IGF1: variants seen among roughly 807,000 people sequenced by gnomAD.
The protein encoded by IGF1 is insulin-like growth factor 1.
In IGF1, 4 loss-of-function variants were observed where a neutral mutation model predicts 13.8. The observed-to-expected ratio is 0.29, with a 90% CI of 0.14 to 0.66. IGF1 has a LOEUF of 0.66. IGF1 is among the 30% of genes least tolerant of loss of function. The probability of loss-of-function intolerance (pLI) is 0.78; values close to 1 mark genes in which losing one functional copy is unlikely to be tolerated. For missense variants in IGF1, 124 were observed against 188.5 expected, an observed-to-expected ratio of 0.66 and a Z score of 2.00; for synonymous variants, 76 against 72.6, an observed-to-expected ratio of 1.05 and a Z score of -0.23.
chr12:102,457,921 C>A (rs540893841), intron 2 of IGF1, among the ~76,000 whole-genome samples: 1 of 152,244 alleles, frequency 6.6e-6, no homozygotes, highest in East Asian at 1.9e-4. Context: ...TTTTTCGTTT[C>A]AGCTTCCCCT....
intron 3 of IGF1, among the ~76,000 whole-genome samples, chr12:102,407,094 CAAAAAAAAAAAAAAA>C (rs57468885): frequency 1.9e-4 from 19 of 100,984 alleles, no homozygotes; most frequent in African/African-American, 6.1e-4. Flanking sequence ...ACTCTGTCTC[CAAAAAAAAAAAAAAA>C]AAAAAAAAAA....
intron 1 of IGF1, chr12:102,478,711 T>G: frequency 8.0e-7 from 1 of 1,254,626 alleles, no homozygotes; most frequent in Non-Finnish European, 1.0e-6. Flanking sequence ...ATTGCACAGC[T>G]GGGATTTAAG....
chr12:102,405,851 G>A (rs999392407), intron 3 of IGF1, among the ~76,000 whole-genome samples: 3 of 152,162 alleles, frequency 2.0e-5, no homozygotes, highest in Non-Finnish European at 2.9e-5. Flanking sequence ...TTAAATTAGC[G>A]GGGGGCTATA....
chr12:102,405,213 A>G (rs1874046487), intron 3 of IGF1, among the ~76,000 whole-genome samples: 1 of 151,582 alleles, frequency 6.6e-6, no homozygotes, highest in African/African-American at 2.4e-5. Context: ...CAGCCTCCCA[A>G]GTAGCTGGGA....
chr12:102,465,393 A>C (rs1394526960), intron 2 of IGF1, among the ~76,000 whole-genome samples: 1 of 152,202 alleles, frequency 6.6e-6, no homozygotes, highest in Non-Finnish European at 1.5e-5. Context: ...TAAGCTATGT[A>C]AGGCTCAAGG....
At chr12:102,464,466 A>G (rs1051180022) in intron 2 of IGF1, among the ~76,000 whole-genome samples, 1 of 148,692 alleles carries the variant, frequency 6.7e-6, no homozygotes, top group South Asian at 2.2e-4. Flanking sequence ...TCCATACTAG[A>G]TGCTGTGAAA....
intron 2 of IGF1, among the ~76,000 whole-genome samples, chr12:102,434,721 C>T (rs1463264277): frequency 6.6e-6 from 1 of 151,946 alleles, no homozygotes; most frequent in Admixed American, 6.6e-5. Context: ...GGAATCGCCA[C>T]ACTGACTTCC....
chr12:102,434,211 CAT>C (rs1877007332), intron 2 of IGF1, among the ~76,000 whole-genome samples: 1 of 148,660 alleles, frequency 6.7e-6, no homozygotes, highest in Non-Finnish European at 1.5e-5. Context: ...AGGTTAGTTA[CAT>C]ATGTATACAT....
intron 1 of IGF1, chr12:102,478,656 A>G (rs753625130): frequency 7.2e-6 from 10 of 1,398,538 alleles, no homozygotes; most frequent in Non-Finnish European, 9.4e-6. Context: ...GTATGCTATT[A>G]TGAGCCTGGG....
intron 2 of IGF1, among the ~76,000 whole-genome samples, chr12:102,439,052 G>A (rs1406337666): frequency 6.6e-6 from 1 of 152,206 alleles, no homozygotes; most frequent in African/African-American, 2.4e-5. Flanking sequence ...CACTGCTGTA[G>A]CCACAACACT....
intron 2 of IGF1, among the ~76,000 whole-genome samples, chr12:102,441,460 T>C (rs1391777293): frequency 4.6e-5 from 7 of 152,178 alleles, no homozygotes; most frequent in African/African-American, 1.7e-4. Flanking sequence ...TCCTGCCCTT[T>C]AGATGAGCTG....
intron 1 of IGF1, 57 bp from the exon 2 acceptor site, chr12:102,475,856 G>A (rs1880993328): frequency 1.3e-6 from 2 of 1,544,898 alleles, no homozygotes; most frequent in South Asian, 1.2e-5. Context: ...CAAGGGGAGT[G>A]GGGTGGGACA....
chr12:102,427,210 TC>T (rs1422895886), intron 2 of IGF1, among the ~76,000 whole-genome samples: 1 of 152,178 alleles, frequency 6.6e-6, no homozygotes, highest in Non-Finnish European at 1.5e-5. Context: ...CATTTTTTTT[TC>T]TTTTTTTTAG....
At chr12:102,472,753 A>G (rs925173632) in intron 2 of IGF1, among the ~76,000 whole-genome samples, 4 of 152,178 alleles carry the variant, frequency 2.6e-5, no homozygotes, top group Non-Finnish European at 5.9e-5. Context: ...AGGAAACTGA[A>G]TGAAATTTGT....
chr12:102,460,052 CACATAAAAGGGTG>C (rs1436277333), intron 2 of IGF1, among the ~76,000 whole-genome samples: 1 of 152,194 alleles, frequency 6.6e-6, no homozygotes, highest in African/African-American at 2.4e-5. Flanking sequence ...GCACACACTT[CACATAAAAGGGTG>C]ACCAAAAACT....
intron 3 of IGF1, among the ~76,000 whole-genome samples, chr12:102,408,409 A>G (rs1232449198): frequency 6.6e-6 from 1 of 152,176 alleles, no homozygotes; most frequent in Non-Finnish European, 1.5e-5. Context: ...GGGTCATGCG[A>G]TCTACTCAGC....
intron 2 of IGF1, among the ~76,000 whole-genome samples, chr12:102,445,942 AG>A (rs1878282708): frequency 1.3e-5 from 2 of 152,150 alleles, no homozygotes; most frequent in Non-Finnish European, 2.9e-5. Flanking sequence ...TTTAGCATGA[AG>A]GGCTGTTGAA....
At chr12:102,431,237 C>T (rs1469557204) in intron 2 of IGF1, among the ~76,000 whole-genome samples, 1 of 152,174 alleles carries the variant, frequency 6.6e-6, no homozygotes, top group Non-Finnish European at 1.5e-5. Context: ...GAAAACACTT[C>T]CATGGAAGCG....
chr12:102,416,834 G>A (rs1055461656), intron 3 of IGF1, among the ~76,000 whole-genome samples: 12 of 152,180 alleles, frequency 7.9e-5, no homozygotes, highest in Non-Finnish European at 1.2e-4. Flanking sequence ...CTCCCAGTAC[G>A]TCAAAATATG....
Sources: gnomAD v4.1 joint callset for allele counts (sites outside exome capture counted in the v4.1 genomes callset) on GRCh38, gnomAD v4.1.1 for gene constraint, MANE v1.5 for transcripts, NCBI Gene and HGNC (gene_info 2026-07-23, HGNC 2026-07-21) for gene names.